Variants in IGF1R observed in about 807,000 individuals in gnomAD.
The protein encoded by IGF1R is insulin-like growth factor 1 receptor.
Under a neutral mutation model 144.6 loss-of-function variants are expected in IGF1R, and 44 were observed. The ratio of observed to expected loss-of-function variants is 0.30; its 90% confidence interval spans 0.24 to 0.39. IGF1R has a LOEUF of 0.39. Ranked by LOEUF, IGF1R falls within the 10% of genes least tolerant of loss-of-function variation. The pLI, the probability that IGF1R is intolerant of heterozygous loss-of-function variation, is 1.00. For missense variants in IGF1R, 1,355 were observed against 1,833.7 expected, an observed-to-expected ratio of 0.74 and a Z score of 4.77; for synonymous variants, 795 against 722.8, an observed-to-expected ratio of 1.10 and a Z score of -1.60.
chr15:98,788,890 C>T (rs577027896), intron 2 of IGF1R, among the ~76,000 whole-genome samples: 2 of 152,220 alleles, frequency 1.3e-5, no homozygotes, highest in East Asian at 1.9e-4. Flanking sequence ...ACCATTTCTC[C>T]GTAGTTATTT....
At chr15:98,743,701 G>T (rs980319572) in intron 2 of IGF1R, among the ~76,000 whole-genome samples, 1 of 152,194 alleles carries the variant, frequency 6.6e-6, no homozygotes, top group African/African-American at 2.4e-5. Context: ...TTAAACAGAG[G>T]TGGGGTATGT....
rs538281556 is a variant in IGF1R, at chr15:98,908,559, T to C, written c.1248-126T>C. On this transcript the variant is annotated intron_variant, in intron 5 of 20. Transcript: ENST00000650285. ...TTCTCCTATAGTGTTAATAACTAAA[T>C]CTCTTATTGGCAAAGGAAATGTATT... 1.2e-5 allele frequency: 9 copies of C among 726,624 alleles called. No individual in the cohort carries two copies. In the East Asian group the frequency reaches 2.4e-4, roughly 19 times the overall value. The allele number at this position is 726,624 out of a possible 1,614,324, so 45.0% of individuals were successfully genotyped here.
At chr15:98,808,418 TG>T (rs1284597499) in intron 2 of IGF1R, among the ~76,000 whole-genome samples, 1 of 152,236 alleles carries the variant, frequency 6.6e-6, no homozygotes, top group Non-Finnish European at 1.5e-5. Flanking sequence ...GTAGTGATTT[TG>T]CATTGAACTG....
intron 2 of IGF1R, among the ~76,000 whole-genome samples, chr15:98,775,173 A>G (rs1269478063): frequency 2.0e-5 from 3 of 152,146 alleles, no homozygotes; most frequent in Non-Finnish European, 2.9e-5. Flanking sequence ...GATGACCCCC[A>G]GCTGGGTCAG....
At chr15:98,737,455 T>C (rs1364968470) in intron 2 of IGF1R, among the ~76,000 whole-genome samples, 1 of 152,116 alleles carries the variant, frequency 6.6e-6, no homozygotes, top group Non-Finnish European at 1.5e-5. Context: ...AGTAAGCTGA[T>C]AGGAGCTAGA....
intron 2 of IGF1R, among the ~76,000 whole-genome samples, chr15:98,871,474 TC>T (rs2012781088): frequency 1.3e-5 from 2 of 152,184 alleles, no homozygotes; most frequent in South Asian, 4.1e-4. Flanking sequence ...AGCTTCTGGA[TC>T]CCTTTGCTAC....
chr15:98,944,680 A>G (rs919511098), intron 19 of IGF1R, among the ~76,000 whole-genome samples: 3 of 152,270 alleles, frequency 2.0e-5, no homozygotes, highest in Non-Finnish European at 4.4e-5. Context: ...AAGAGACCCC[A>G]GAATTTTAGG....
chr15:98,916,968 C>T lies in IGF1R; in HGVS notation c.2201+92C>T, dbSNP rs1408765389. 3.7e-6 allele frequency: 4 copies of T among 1,082,228 alleles called. No individual in the cohort carries two copies. In the Admixed American group the frequency reaches 5.5e-5, roughly 15 times the overall value. 67.0% of individuals were successfully genotyped at this position (1,082,228 alleles called of 1,614,324 possible). ...CCCCACCAGGTAGTGTGTAAGTCAG[C>T]AGCTGGGGGGTACAATACAGTAGCC... On this transcript the variant is annotated intron_variant, in intron 10 of 20. Transcript: ENST00000650285.
chr15:98,677,409 A>G lies in IGF1R; in HGVS notation c.94+27734A>G, dbSNP rs149086160. ...GAATCATTGATGACAAATAAGGATA[A>G]TTTGGTCTCCATTTTTCTGGTACAT... On this transcript the variant is annotated intron_variant, in intron 1 of 20. Transcript: ENST00000650285. Among the ~76,000 whole-genome samples, 86 of 152,322 alleles carry G rather than the reference A, an allele frequency of 5.6e-4. 2 individuals carry two copies. In the East Asian group the frequency reaches 0.011, roughly 19 times the overall value.
At chr15:98,841,724 G>A (rs2011177710) in intron 2 of IGF1R, among the ~76,000 whole-genome samples, 1 of 152,206 alleles carries the variant, frequency 6.6e-6, no homozygotes, top group Non-Finnish European at 1.5e-5. Context: ...GAAACAAGCA[G>A]CCTCACCATG....
chr15:98,681,359 C>A (rs1438088236), intron 1 of IGF1R, among the ~76,000 whole-genome samples: 5 of 152,158 alleles, frequency 3.3e-5, no homozygotes, highest in Non-Finnish European at 7.3e-5. Flanking sequence ...CATTCACCAC[C>A]AGCTATTCTG....
intron 3 of IGF1R, among the ~76,000 whole-genome samples, chr15:98,895,404 T>C (rs2014143604): frequency 7.0e-6 from 1 of 143,234 alleles, no homozygotes; most frequent in African/African-American, 2.6e-5. Flanking sequence ...TATAATTATT[T>C]TAAAATAAAA....
chr15:98,670,870 G>A (rs1021429664), intron 1 of IGF1R, among the ~76,000 whole-genome samples: 1 of 152,078 alleles, frequency 6.6e-6, no homozygotes, highest in African/African-American at 2.4e-5. Context: ...CACATGACCT[G>A]CCGGTAGAAT....
intron 2 of IGF1R, among the ~76,000 whole-genome samples, chr15:98,734,289 T>G (rs2054562874): frequency 6.6e-6 from 1 of 152,196 alleles, no homozygotes; most frequent in Non-Finnish European, 1.5e-5. Flanking sequence ...GCCAATGTTT[T>G]TTTCCGTGTT....
chr15:98,850,149 G>A (rs1242204243), intron 2 of IGF1R, among the ~76,000 whole-genome samples: 1 of 152,230 alleles, frequency 6.6e-6, no homozygotes, highest in Non-Finnish European at 1.5e-5. Context: ...GAGGGAATAA[G>A]TAAGTTAGGG....
intron 17 of IGF1R, among the ~76,000 whole-genome samples, chr15:98,937,868 C>T (rs189538480): frequency 1.3e-4 from 20 of 152,292 alleles, no homozygotes; most frequent in African/African-American, 4.6e-4. Flanking sequence ...TGCATATTTC[C>T]TCATGCATCA....
rs114998187 is a variant in IGF1R, at chr15:98,703,535, C to T, written c.95-4027C>T. On this transcript the variant is annotated intron_variant, in intron 1 of 20. Transcript: ENST00000650285. ...AACAGCTGGTTCCTAGGCCCTGCCT[C>T]GTGCTCTGTGGTTTGGGCTTGTCTT... Among the ~76,000 whole-genome samples, 361 of 152,356 alleles carry T rather than the reference C, an allele frequency of 2.4e-3. 3 individuals are homozygous for T. The highest frequency in any genetic ancestry group is 7.6e-3 in the African/African-American group (316 of 41,586).
chr15:98,836,351 T>A (rs1447949988), intron 2 of IGF1R, among the ~76,000 whole-genome samples: 1 of 150,630 alleles, frequency 6.6e-6, no homozygotes, highest in Non-Finnish European at 1.5e-5. Flanking sequence ...AGACTATCTC[T>A]ACAAAAAAAA....
chr15:98,779,720 G>T (rs915348301), intron 2 of IGF1R, among the ~76,000 whole-genome samples: 4 of 152,224 alleles, frequency 2.6e-5, no homozygotes, highest in Non-Finnish European at 4.4e-5. Flanking sequence ...CCTGGAGGAG[G>T]ACATTCCGTC....
Sources: gnomAD v4.1 joint callset for allele counts (sites outside exome capture counted in the v4.1 genomes callset) on GRCh38, gnomAD v4.1.1 for gene constraint, MANE v1.5 for transcripts, NCBI Gene and HGNC (gene_info 2026-07-23, HGNC 2026-07-21) for gene names.